Variants in GNA11 observed in about 807,000 individuals in gnomAD.
The protein encoded by GNA11 is G protein subunit alpha 11.
Under a neutral mutation model 38.2 loss-of-function variants are expected in GNA11, and 8 were observed. The ratio of observed to expected loss-of-function variants is 0.21; its 90% CI spans 0.12 to 0.38. GNA11 has a LOEUF of 0.38. Ranked by LOEUF, GNA11 falls within the 10% of genes least tolerant of loss-of-function variation. GNA11 has a pLI of 1.00. For missense variants in GNA11, 268 were observed against 516.3 expected, an observed-to-expected ratio of 0.52 and a Z score of 4.66; for synonymous variants, 211 against 221.4, an observed-to-expected ratio of 0.95 and a Z score of 0.42.
intron 4 of GNA11, among the ~76,000 whole-genome samples, chr19:3,116,990 G>C (rs1366077111): frequency 6.6e-6 from 1 of 152,158 alleles, no homozygotes; most frequent in African/African-American, 2.4e-5. Context: ...GGAGGATGCG[G>C]CGTGAAGATG....
rs1393346370 is a variant in GNA11, at chr19:3,120,999, G to A, written c.900G>A (p.Arg300=). ...TCTGCCCTCCCCCAGGTCCCCAGCG[G>A]GACGCCCAGGCGGCGCGGGAGTTCA... ...DYFPEFDGPQ[R]DAQAAREFIL... The change falls in exon 7 of 7, where the codon CGG becomes CGA. Residue 300 remains arginine, a synonymous_variant. Coordinates refer to ENST00000078429, the MANE Select transcript of GNA11 (RefSeq NM_002067.5). This position sits in a 1 kb window ranked among gnomAD's most constrained non-coding sequence, Gnocchi z 5.9. 3.7e-6 allele frequency: 6 copies of A among 1,612,676 alleles called. No individual in the cohort carries two copies. Among genetic ancestry groups the A allele is most frequent in the Non-Finnish European group, 4.2e-6 (5 of 1,179,348 alleles).
In GNA11 at chr19:3,110,467, C is replaced by T. The variant is rs1296716275; in HGVS notation, c.321+134C>T. ...CCCAGGCTACCCCTGGTCATCCATC[C>T]GTTCCTGTCATGGACATGGAAACAG... On this transcript the variant is annotated intron_variant, in intron 2 of 6. Transcript: ENST00000078429. The surrounding 1 kb of genome is among the most constrained non-coding windows in gnomAD (Gnocchi z 5.4). 1.5e-5 allele frequency: 10 copies of T among 664,166 alleles called. No individual in the cohort carries two copies. Among genetic ancestry groups the T allele is most frequent in the Admixed American group, 1.2e-4 (4 of 34,764 alleles). The allele number at this position is 664,166 out of a possible 1,614,324, so 41.1% of individuals were successfully genotyped here.
At chr19:3,113,208 A>G in intron 2 of GNA11, 122 bp from the exon 3 acceptor site, 1 of 876,122 alleles carries the variant, frequency 1.1e-6, no homozygotes, top group Non-Finnish European at 1.9e-6. Context: ...AGTGGTCCTG[A>G]CTGCACAGCC....
chr19:3,118,623 C>T (rs1913984271), intron 4 of GNA11: 2 of 359,394 alleles, frequency 5.6e-6, no homozygotes, highest in South Asian at 1.0e-4. Flanking sequence ...TCGCAGGTTC[C>T]CGCAGCAGCT....
chr19:3,119,102 ACC>A lies in GNA11; in HGVS notation c.735+50_735+51del. ...CAGCGTTGGGGGCCGGGCCTTCCCC[ACC>A]TGCCAAGCCTGGGTCCCCTCACCTG... On this transcript the variant is annotated intron_variant, in intron 5 of 6. Coordinates refer to ENST00000078429, the MANE Select transcript of GNA11 (RefSeq NM_002067.5). This position sits in a 1 kb window ranked among gnomAD's most constrained non-coding sequence, Gnocchi z 4.6. 2 of 1,607,084 alleles carry A rather than the reference ACC, an allele frequency of 1.2e-6. No individual in the cohort carries two copies. The highest frequency in any genetic ancestry group is 1.7e-6 in the Non-Finnish European group (2 of 1,174,998).
chr19:3,094,799 C>A lies in GNA11; in HGVS notation c.136+12C>A, dbSNP rs553531427. ...GCTGCTGCTGCTCGGTGAGTGCGGC[C>A]CCCGGGCCTGCCGGCTGCGGGCCCT... On this transcript the variant is annotated intron_variant, in intron 1 of 6. Transcript: ENST00000078429. This position sits in a 1 kb window ranked among gnomAD's most constrained non-coding sequence, Gnocchi z 6.0. 1 of 1,552,666 alleles carries A rather than the reference C, an allele frequency of 6.4e-7. No homozygotes were observed. Among genetic ancestry groups the A allele is most frequent in the Non-Finnish European group, 8.7e-7 (1 of 1,153,864 alleles).
rs1913314262 is a variant in GNA11 at position 3,094,606 on chromosome 19, G to GGGGGGCGGCGGCGGGCA, written c.-43_-27dup. 1.0e-6 allele frequency: 1 copy of GGGGGGCGGCGGCGGGCA among 998,634 alleles called. No individual in the cohort carries two copies. Among genetic ancestry groups the GGGGGGCGGCGGCGGGCA allele is most frequent in the African/African-American group, 1.8e-5 (1 of 57,020 alleles). 61.9% of individuals were successfully genotyped at this position (998,634 alleles called of 1,614,324 possible). The stretch of plus-strand genomic sequence containing the variant: ...TCCGGCCAGGGCCGGGCCGGGGGCC[G>GGGGGGCGGCGGCGGGCA]GGGGGCGGCGGCGGGCAGGCGGCCG... On this transcript the variant is annotated 5_prime_UTR_variant, in exon 1 of 7. Coordinates refer to ENST00000078429, the MANE Select transcript of GNA11 (RefSeq NM_002067.5). The surrounding 1 kb of genome is among the most constrained non-coding windows in gnomAD (Gnocchi z 6.0).
In GNA11 at chr19:3,115,029, G is replaced by A. The variant is rs2145321018; in HGVS notation, c.562G>A (p.Gly188Ser). The change falls in exon 4 of 7, where the codon GGC becomes AGC. Residue 188 changes from glycine (G) to serine (S), a missense_variant. Gly to Ser is a moderately conservative substitution (Grantham distance 56, BLOSUM62 0). This residue lies in a region of GNA11 where 25 missense variants were observed against 95.6 expected (regional missense o/e 0.26). Coordinates refer to ENST00000078429, the MANE Select transcript of GNA11 (RefSeq NM_002067.5). ...GCTGCGGGTCCGCGTGCCCACCACC[G>A]GCATCATCGAGTACCCTTTCGACCT... ...DVLRVRVPTT[G>S]IIEYPFDLEN... 1 of 1,613,314 alleles carries A rather than the reference G, an allele frequency of 6.2e-7. No individual in the cohort carries two copies. The highest frequency in any genetic ancestry group is 8.5e-7 in the Non-Finnish European group (1 of 1,179,876).
chr19:3,099,762 C>T (rs1003752107), intron 1 of GNA11, among the ~76,000 whole-genome samples: 11 of 152,356 alleles, frequency 7.2e-5, no homozygotes, highest in East Asian at 1.9e-4. Flanking sequence ...CCAGCCTGGC[C>T]TCCCGCAGTC....
intron 1 of GNA11, among the ~76,000 whole-genome samples, chr19:3,095,312 C>T (rs1465625842): frequency 6.6e-6 from 1 of 152,132 alleles, no homozygotes; most frequent in Admixed American, 6.5e-5. Flanking sequence ...TGTTCCTTCT[C>T]AAGGGACCAG....
Position 3,110,158 on chromosome 19 carries a change from A to G in GNA11, c.146A>G (p.Glu49Gly). ...ELKLLLLGTGESGKSTFIKQM... is the reference protein window; with the variant it reads ...ELKLLLLGTGGSGKSTFIKQM... ...GTGCCCCGTCCCCCAGGCACGGGCG[A>G]GAGCGGGAAGAGCACGTTCATCAAG... Residue 49 changes from glutamate to glycine, a missense_variant, in exon 2 of 7, where the codon GAG becomes GGG. Coordinates refer to ENST00000078429, the MANE Select transcript of GNA11 (RefSeq NM_002067.5). The surrounding 1 kb of genome is among the most constrained non-coding windows in gnomAD (Gnocchi z 5.4). The G allele has an allele frequency of 6.2e-7, 1 of 1,608,952 alleles. No homozygotes were observed. Among genetic ancestry groups the G allele is most frequent in the Non-Finnish European group, 8.5e-7 (1 of 1,177,980 alleles).
In GNA11 at chr19:3,108,624, G is replaced by T. The variant is rs1406330142; in HGVS notation, c.137-1525G>T. On this transcript the variant is annotated intron_variant, in intron 1 of 6. Transcript: ENST00000078429. This position sits in a 1 kb window ranked among gnomAD's most constrained non-coding sequence, Gnocchi z 4.5. ...GGTTAATACCTGAGTAGAGAGTTGA[G>T]GCAGTCTCTTTTTAGAAATTAGAAG... 6.6e-6 allele frequency among the ~76,000 whole-genome samples: 1 copy of T among 152,164 alleles called. No homozygotes were observed. The highest frequency in any genetic ancestry group is 2.4e-5 in the African/African-American group (1 of 41,436).
rs1176498408 is a variant in GNA11 at position 3,119,280 on chromosome 19, C to T, written c.810C>T (p.Ile270=). The change falls in exon 6 of 7, where the codon ATC becomes ATT. Residue 270 remains isoleucine, a synonymous_variant. Transcript: ENST00000078429. The surrounding 1 kb of genome is among the most constrained non-coding windows in gnomAD (Gnocchi z 4.6). ...CCTGGTTCCAGAACTCCTCCGTCAT[C>T]CTCTTCCTCAACAAGAAGGACCTGC... is the stretch of plus-strand genomic sequence containing the variant. The part of the protein sequence containing the change: ...TYPWFQNSSV[I]LFLNKKDLLE... 1 of 1,613,510 alleles carries T rather than the reference C, an allele frequency of 6.2e-7. No individual in the cohort carries two copies. The highest frequency in any genetic ancestry group is 8.5e-7 in the Non-Finnish European group (1 of 1,179,610).
Position 3,121,401 on chromosome 19 carries a change from G to A in GNA11, c.*222G>A. 2.8e-6 allele frequency: 1 copy of A among 357,292 alleles called. No individual in the cohort carries two copies. The highest frequency in any genetic ancestry group is 5.0e-6 in the Non-Finnish European group (1 of 200,858). The allele number at this position is 357,292 out of a possible 1,614,324, so 22.1% of individuals were successfully genotyped here. ...CACTTCGCGCACCTTCTCACCTTTT[G>A]TCAACGGCAAAGGCAGCCTTTTTCT... On this transcript the variant is annotated 3_prime_UTR_variant, in exon 7 of 7. Coordinates refer to ENST00000078429, the MANE Select transcript of GNA11 (RefSeq NM_002067.5).
Position 3,114,858 on chromosome 19 carries a change from C to A in GNA11, c.477-86C>A, listed in dbSNP as rs139964427. ...GGTCCACCCCCTCCTGGTGGCTTTCCGTCCTCCCGCTGGTTTGGGTGCTGT... is the reference window on the plus strand; with the variant it reads ...GGTCCACCCCCTCCTGGTGGCTTTCAGTCCTCCCGCTGGTTTGGGTGCTGT... On this transcript the variant is annotated intron_variant, in intron 3 of 6. Transcript: ENST00000078429. 3 of 1,359,876 alleles carry A rather than the reference C, an allele frequency of 2.2e-6. No individual in the cohort carries two copies. The South Asian group carries it at 4.0e-5, about 18-fold the overall frequency. The allele number at this position is 1,359,876 out of a possible 1,614,324, so 84.2% of individuals were successfully genotyped here.
At chr19:3,107,193 G>A (rs1165579714) in intron 1 of GNA11, among the ~76,000 whole-genome samples, 1 of 152,150 alleles carries the variant, frequency 6.6e-6, no homozygotes, top group Non-Finnish European at 1.5e-5. Flanking sequence ...CCAAGATTGC[G>A]CCACTGCACT....
At position 3,094,797 on chromosome 19, in the gene GNA11, G is replaced by GC; in HGVS notation, c.136+15dup. The GC allele has an allele frequency of 6.4e-7, 1 of 1,551,852 alleles. No individual in the cohort carries two copies. Among genetic ancestry groups the GC allele is most frequent in the South Asian group, 1.2e-5 (1 of 82,434 alleles). ...AAGCTGCTGCTGCTCGGTGAGTGCG[G>GC]CCCCCGGGCCTGCCGGCTGCGGGCC... On this transcript the variant is annotated intron_variant, in intron 1 of 6. Coordinates refer to ENST00000078429, the MANE Select transcript of GNA11 (RefSeq NM_002067.5). The surrounding 1 kb of genome is among the most constrained non-coding windows in gnomAD (Gnocchi z 6.0).
chr19:3,106,099 G>A (rs1426962403), intron 1 of GNA11, among the ~76,000 whole-genome samples: 1 of 152,210 alleles, frequency 6.6e-6, no homozygotes, highest in Non-Finnish European at 1.5e-5. Context: ...AGGTGGGGCA[G>A]GCTGGGTCAG....
chr19:3,113,494 G>A lies in GNA11; in HGVS notation c.476+10G>A, dbSNP rs749233757. Reference sequence around the variant, plus strand: ...CCGACTCTGCCAAGTAGTAAGTGCGGCCGCACCGCTGGCGGCCTGGGGACG... The same window carrying A: ...CCGACTCTGCCAAGTAGTAAGTGCGACCGCACCGCTGGCGGCCTGGGGACG... On this transcript the variant is annotated intron_variant, in intron 3 of 6. Transcript: ENST00000078429. 2 of 1,563,592 alleles carry A rather than the reference G, an allele frequency of 1.3e-6. No individual in the cohort carries two copies. Among genetic ancestry groups the A allele is most frequent in the African/African-American group, 1.4e-5 (1 of 71,468 alleles).
Sources: allele counts gnomAD v4.1 joint callset (sites outside exome capture counted in the v4.1 genomes callset), GRCh38; gene constraint gnomAD v4.1.1; regional missense constraint gnomAD v4.1.1; non-coding constraint Gnocchi (gnomAD v3.1); transcripts MANE v1.5; gene names NCBI Gene and HGNC (gene_info 2026-07-23, HGNC 2026-07-21).